SHLD1: variants seen among roughly 807,000 people sequenced by gnomAD.
SHLD1 encodes RINN1-REV7-interacting novel NHEJ regulator 3.
In SHLD1, 3 loss-of-function variants were observed where a neutral mutation model predicts 5.5. The observed-to-expected ratio is 0.54, with a 90% CI of 0.25 to 1.40. The LOEUF (loss-of-function observed/expected upper bound fraction) is 1.40. Among genes scored for constraint, SHLD1 ranks in the 40% most tolerant of loss-of-function variants. SHLD1 has a pLI of 0.15. For missense variants in SHLD1, 210 were observed against 244.4 expected (o/e 0.86, Z 0.94); for synonymous variants, 92 against 94.3 (o/e 0.98, Z 0.14).
intron 2 of SHLD1, among the ~76,000 whole-genome samples, chr20:5,844,793 A>T (rs371617761): frequency 0.046 from 4,434 of 95,940 alleles, 236 homozygotes; most frequent in African/African-American, 0.17. Context: ...ATATATATAT[A>T]TATATATTTT....
intron 2 of SHLD1, among the ~76,000 whole-genome samples, chr20:5,839,483 AGAAAGATAGAT>A (rs1404610884): frequency 1.7e-5 from 2 of 118,428 alleles, no homozygotes; most frequent in Admixed American, 9.7e-5. Context: ...TAAATTAGAT[AGAAAGATAGAT>A]AGATAGATAG....
At chr20:5,794,246 G>A (rs1419341561) in intron 2 of SHLD1, among the ~76,000 whole-genome samples, 1 of 152,172 alleles carries the variant, frequency 6.6e-6, no homozygotes, top group African/African-American at 2.4e-5. Context: ...TTGTCATGAG[G>A]ATTGAGTGAG....
intron 2 of SHLD1, among the ~76,000 whole-genome samples, chr20:5,803,900 A>C (rs896546965): frequency 1.9e-5 from 2 of 105,726 alleles, no homozygotes; most frequent in Admixed American, 8.4e-5. Flanking sequence ...AAAAAAAAAA[A>C]CAAAACAAGA....
intron 2 of SHLD1, among the ~76,000 whole-genome samples, chr20:5,819,940 TTTTTGTTTTTTG>T (rs1204045416): frequency 6.6e-6 from 1 of 152,188 alleles, no homozygotes; most frequent in Non-Finnish European, 1.5e-5. Context: ...CAGTGTTTTT[TTTTTGTTTTTTG>T]TTTTGTTTTT....
chr20:5,758,920 GT>G (rs112543692), intron 1 of SHLD1, among the ~76,000 whole-genome samples: 3,425 of 120,668 alleles, frequency 0.028, 36 homozygotes, highest in Non-Finnish European at 0.034. Context: ...TGTCAAATGT[GT>G]TTTTTTTTTT....
At chr20:5,846,591 A>G (rs1475510995) in intron 2 of SHLD1, among the ~76,000 whole-genome samples, 4 of 152,226 alleles carry the variant, frequency 2.6e-5, no homozygotes, top group African/African-American at 9.6e-5. Flanking sequence ...CACTGGGGAA[A>G]AACATCCCTG....
At chr20:5,835,013 A>C (rs574992148) in intron 2 of SHLD1, among the ~76,000 whole-genome samples, 1 of 152,210 alleles carries the variant, frequency 6.6e-6, no homozygotes, top group Non-Finnish European at 1.5e-5. Flanking sequence ...ATTTCAACAT[A>C]TGAATAGGGG....
chr20:5,784,571 C>G (rs1287597316), intron 2 of SHLD1, among the ~76,000 whole-genome samples: 3 of 151,998 alleles, frequency 2.0e-5, no homozygotes, highest in Non-Finnish European at 4.4e-5. Flanking sequence ...CTGCCTCAGC[C>G]TCCCGAGTAG....
intron 2 of SHLD1, among the ~76,000 whole-genome samples, chr20:5,787,590 T>C (rs2087077281): frequency 6.6e-6 from 1 of 152,226 alleles, no homozygotes; most frequent in Non-Finnish European, 1.5e-5. Flanking sequence ...CTGCCTGGCC[T>C]AATCACACAA....
At chr20:5,853,551 G>A (rs1341099738) in intron 2 of SHLD1, among the ~76,000 whole-genome samples, 1 of 152,094 alleles carries the variant, frequency 6.6e-6, no homozygotes, top group African/African-American at 2.4e-5. Flanking sequence ...TAGTTACAAG[G>A]CCACGGTTAT....
intron 2 of SHLD1, among the ~76,000 whole-genome samples, chr20:5,791,864 T>C (rs1368844953): frequency 6.6e-6 from 1 of 152,166 alleles, no homozygotes; most frequent in Non-Finnish European, 1.5e-5. Context: ...CAACAACACT[T>C]GTTATTTTCT....
chr20:5,762,544 T>G (rs1984524598), intron 1 of SHLD1, among the ~76,000 whole-genome samples: 1 of 152,176 alleles, frequency 6.6e-6, no homozygotes, highest in African/African-American at 2.4e-5. Flanking sequence ...AATGTTAGTC[T>G]TTCTCACCTG....
rs1358767590 is a variant in SHLD1 at position 5,802,645 on chromosome 20, TTC to T, written c.178+29604_178+29605del. On this transcript the variant is annotated intron_variant, in intron 2 of 2. Coordinates refer to ENST00000303142, the MANE Select transcript of SHLD1 (RefSeq NM_152504.4). ...TTCCTTCCTTTCTTCCTTTCTATTTTTCTTTTTCTTTTCATTTTTTTGACAGG... is the reference window on the plus strand; with the variant it reads ...TTCCTTCCTTTCTTCCTTTCTATTTTTTTTTCTTTTCATTTTTTTGACAGG... Among the ~76,000 whole-genome samples the T allele has an allele frequency of 2.6e-5, 4 of 152,110 alleles. No individual in the cohort carries two copies. In the East Asian group the frequency reaches 7.7e-4, roughly 29 times the overall value.
At chr20:5,842,240 G>T (rs772780115) in intron 2 of SHLD1, among the ~76,000 whole-genome samples, 6 of 152,240 alleles carry the variant, frequency 3.9e-5, no homozygotes, top group Non-Finnish European at 7.3e-5. Context: ...CCTTGAAATT[G>T]TATGTAGCTC....
chr20:5,772,844 T>C lies in SHLD1; in HGVS notation c.-4-18T>C, dbSNP rs753960859. The C allele has an allele frequency of 2.5e-6, 4 of 1,596,882 alleles. No homozygotes were observed. The highest frequency in any genetic ancestry group is 2.6e-6 in the Non-Finnish European group (3 of 1,171,030). ...GTGGTGCCTTTTGTACTGAATTGTT[T>C]TCTTTTTTCCATGGCAGGACTATGG... On this transcript the variant is annotated intron_variant, in intron 1 of 2. Coordinates refer to ENST00000303142, the MANE Select transcript of SHLD1 (RefSeq NM_152504.4).
Position 5,777,470 on chromosome 20 carries a change from C to T in SHLD1, c.178+4427C>T, listed in dbSNP as rs79268167. Among the ~76,000 whole-genome samples the T allele has an allele frequency of 5.4e-3, 825 of 151,718 alleles. 10 individuals carry two copies. Among genetic ancestry groups the T allele is most frequent in the African/African-American group, 0.019 (781 of 41,362 alleles). ...TTTTTTTCTTTTTCGAGGTATGATC[C>T]TGCTTTGTTGCCCAGGCTGAAGTGC... On this transcript the variant is annotated intron_variant, in intron 2 of 2. Coordinates refer to ENST00000303142, the MANE Select transcript of SHLD1 (RefSeq NM_152504.4).
intron 2 of SHLD1, among the ~76,000 whole-genome samples, chr20:5,801,534 G>A (rs1036530292): frequency 6.6e-6 from 1 of 152,172 alleles, no homozygotes; most frequent in Non-Finnish European, 1.5e-5. Flanking sequence ...GCCCCAGGAC[G>A]TGCAGTCCTG....
chr20:5,825,437 A>G (rs2087655051), intron 2 of SHLD1, among the ~76,000 whole-genome samples: 1 of 152,252 alleles, frequency 6.6e-6, no homozygotes, highest in African/African-American at 2.4e-5. Flanking sequence ...CAAATGAAAA[A>G]TACATAGGTC....
chr20:5,824,087 C>T lies in SHLD1; in HGVS notation c.179-38937C>T, dbSNP rs560517026. Among the ~76,000 whole-genome samples, 84 of 152,228 alleles carry T rather than the reference C, an allele frequency of 5.5e-4. 1 individual carries two copies. Among genetic ancestry groups the T allele is most frequent in the Admixed American group, 8.5e-4 (13 of 15,286 alleles). On this transcript the variant is annotated intron_variant, in intron 2 of 2. Transcript: ENST00000303142. ...CACAATCCAAGCTGCTCCATCAGCT[C>T]TCTGGGCCCCACAGGATCTGGCTTC...
Sources: allele counts gnomAD v4.1 joint callset (sites outside exome capture counted in the v4.1 genomes callset), GRCh38; gene constraint gnomAD v4.1.1; transcripts MANE v1.5; gene names NCBI Gene and HGNC (gene_info 2026-07-23, HGNC 2026-07-21).